Variants in SNX25 observed in about 807,000 individuals in gnomAD.
The protein encoded by SNX25 is sorting nexin-25.
SNX25 carries 62 observed loss-of-function variants against 113.7 expected under a neutral mutation model. The ratio of observed to expected loss-of-function variants is 0.55; its 90% CI spans 0.44 to 0.67. SNX25 has a LOEUF of 0.67. SNX25 is among the 30% of genes least tolerant of loss of function. The pLI, the probability that SNX25 is intolerant of heterozygous loss-of-function variation, is 0.00. For missense variants in SNX25, 1,014 were observed against 1,161.0 expected, an observed-to-expected ratio of 0.87 and a Z score of 1.84; for synonymous variants, 421 against 436.2, an observed-to-expected ratio of 0.97 and a Z score of 0.43.
intron 8 of SNX25, among the ~76,000 whole-genome samples, chr4:185,322,199 A>G (rs2095125395): frequency 6.6e-6 from 1 of 152,158 alleles, no homozygotes; most frequent in Non-Finnish European, 1.5e-5. Flanking sequence ...TTGGGAGGCC[A>G]AGGTGGACAG....
chr4:185,255,186 T>C (rs1333092962), intron 2 of SNX25, among the ~76,000 whole-genome samples: 1 of 151,926 alleles, frequency 6.6e-6, no homozygotes, highest in Non-Finnish European at 1.5e-5. Flanking sequence ...CAGGCTGGAG[T>C]GCAGTGGCAC....
chr4:185,375,786 G>A, the SNX25 span: 13 of 1,090,818 alleles, frequency 1.2e-5, no homozygotes, highest in South Asian at 1.5e-5. Context: ...AATCCCAAAG[G>A]CACCAAGTGG....
intron 6 of SNX25, among the ~76,000 whole-genome samples, chr4:185,297,967 C>T (rs1319373803): frequency 1.3e-5 from 2 of 152,178 alleles, no homozygotes. Context: ...GATTCCTTCT[C>T]CCTTGTATAC....
At chr4:185,258,739 T>C in intron 2 of SNX25, 109 bp from the exon 3 acceptor site, 1 of 839,092 alleles carries the variant, frequency 1.2e-6, no homozygotes, top group South Asian at 1.7e-5. Context: ...CTCTCTTTAA[T>C]TTTAAACAGT....
intron 13 of SNX25, among the ~76,000 whole-genome samples, chr4:185,347,436 G>C (rs145846700): frequency 2.0e-5 from 3 of 151,750 alleles, no homozygotes; most frequent in Non-Finnish European, 2.9e-5. Context: ...TGTTTGGGGG[G>C]TTTGGTGTTT....
intron 1 of SNX25, among the ~76,000 whole-genome samples, chr4:185,243,947 C>G (rs1231387666): frequency 6.6e-6 from 1 of 152,088 alleles, no homozygotes; most frequent in African/African-American, 2.4e-5. Flanking sequence ...ATATTCATAC[C>G]CAGCCCTTAC....
chr4:185,227,410 T>C (rs764213761), intron 1 of SNX25, among the ~76,000 whole-genome samples: 53 of 152,348 alleles, frequency 3.5e-4, no homozygotes, highest in Non-Finnish European at 3.7e-4. Context: ...CCTTCACTTG[T>C]ATTCCTCTTC....
chr4:185,314,324 C>CAAAAAAAA (rs35324892), intron 7 of SNX25, among the ~76,000 whole-genome samples: 1 of 75,372 alleles, frequency 1.3e-5, no homozygotes. Flanking sequence ...CCCCTCTCTA[C>CAAAAAAAA]AAAAAAAAAA....
intron 17 of SNX25, 148 bp downstream of exon 17, chr4:185,362,253 T>TG: frequency 7.3e-7 from 1 of 1,377,968 alleles, no homozygotes; most frequent in Non-Finnish European, 9.4e-7. Flanking sequence ...TTTTGTCACT[T>TG]GCTAAGAAGT....
intron 2 of SNX25, 50 bp from the exon 3 acceptor site, chr4:185,258,798 T>C: frequency 1.4e-6 from 2 of 1,450,184 alleles, no homozygotes; most frequent in Non-Finnish European, 1.9e-6. Flanking sequence ...GCAGTCTTGG[T>C]GTTTGCTTCT....
intron 8 of SNX25, 119 bp downstream of exon 8, chr4:185,320,983 A>C: frequency 1.2e-6 from 1 of 809,234 alleles, no homozygotes; most frequent in South Asian, 3.6e-5. Context: ...AACCAAATAT[A>C]ATACTGACAT....
At chr4:185,285,306 AG>A (rs1387808702) in intron 5 of SNX25, among the ~76,000 whole-genome samples, 1 of 152,238 alleles carries the variant, frequency 6.6e-6, no homozygotes, top group Non-Finnish European at 1.5e-5. Context: ...CCTGAAAGCA[AG>A]GACCATATTG....
intron 1 of SNX25, among the ~76,000 whole-genome samples, chr4:185,239,774 C>CTTTTTTTT (rs564649102): frequency 9.0e-6 from 1 of 110,752 alleles, no homozygotes; most frequent in African/African-American, 3.7e-5. Context: ...TTTTTTTTTT[C>CTTTTTTTT]TTTTTTTTTT....
chr4:185,267,560 A>G (rs1476394215), intron 5 of SNX25, among the ~76,000 whole-genome samples: 4 of 151,886 alleles, frequency 2.6e-5, no homozygotes, highest in Non-Finnish European at 5.9e-5. Flanking sequence ...GTGAAACCGC[A>G]TCTCTACTAA....
intron 6 of SNX25, among the ~76,000 whole-genome samples, chr4:185,290,954 G>T (rs1403142034): frequency 1.3e-5 from 2 of 152,148 alleles, no homozygotes; most frequent in Non-Finnish European, 2.9e-5. Flanking sequence ...AATTCTCATG[G>T]GTTTACAGAA....
chr4:185,336,479 G>C (rs2095230628), intron 10 of SNX25, among the ~76,000 whole-genome samples: 1 of 152,102 alleles, frequency 6.6e-6, no homozygotes, highest in African/African-American at 2.4e-5. Flanking sequence ...TTCCATCCAG[G>C]TTGCTGTGAA....
chr4:185,374,077 C>T, downstream of SNX25: 1 of 1,368,314 alleles, frequency 7.3e-7, no homozygotes, highest in Non-Finnish European at 1.0e-6. Context: ...TCAAAAAAAG[C>T]AGTGAAACAA....
intron 1 of SNX25, among the ~76,000 whole-genome samples, chr4:185,239,363 G>T (rs991329857): frequency 6.6e-6 from 1 of 152,006 alleles, no homozygotes; most frequent in South Asian, 2.1e-4. Context: ...GGCACCTGTA[G>T]TCCCAGCTAC....
rs565469739 is a variant in SNX25 at position 185,240,884 on chromosome 4, G to A, written c.430-6410G>A. Among the ~76,000 whole-genome samples, 255 of 151,316 alleles carry A rather than the reference G, an allele frequency of 1.7e-3. 2 individuals carry two copies. Among genetic ancestry groups the A allele is most frequent in the Admixed American group, 0.015 (235 of 15,238 alleles). On this transcript the variant is annotated intron_variant, in intron 1 of 18. Transcript: ENST00000652585. ...ACGCTCCTCACATCCCAGACGGGGC[G>A]GCAGGGCAGAGGCGCTCCCCACATC...
Sources: allele counts gnomAD v4.1 joint callset (sites outside exome capture counted in the v4.1 genomes callset), GRCh38; gene constraint gnomAD v4.1.1; transcripts MANE v1.5; gene names NCBI Gene and HGNC (gene_info 2026-07-23, HGNC 2026-07-21).